Variants in CBL observed in about 807,000 individuals in gnomAD.
CBL encodes Cbl proto-oncogene.
A neutral mutation model predicts 96.9 loss-of-function variants in CBL; 45 were observed. The observed-to-expected ratio is 0.46, with a 90% CI of 0.37 to 0.60. The LOEUF is 0.60. Among genes scored for constraint, CBL ranks in the 20% least tolerant of loss-of-function variants. The probability of loss-of-function intolerance (pLI) is 0.00; values close to 1 mark genes in which losing one functional copy is unlikely to be tolerated. For synonymous variants in CBL, 420 were observed against 426.8 expected, an observed-to-expected ratio of 0.98 and a Z score of 0.20; for missense variants, 1,024 against 1,143.5, an observed-to-expected ratio of 0.90 and a Z score of 1.51.
At chr11:119,213,185 C>T (rs1949332167) in intron 1 of CBL, among the ~76,000 whole-genome samples, 1 of 152,108 alleles carries the variant, frequency 6.6e-6, no homozygotes, top group Non-Finnish European at 1.5e-5. Flanking sequence ...TCCACCTTGC[C>T]TTCCCTGTGC....
At chr11:119,258,932 TTG>T (rs1189890905) in intron 2 of CBL, among the ~76,000 whole-genome samples, 1 of 152,196 alleles carries the variant, frequency 6.6e-6, no homozygotes, top group Admixed American at 6.5e-5. Context: ...TTCCATTTGT[TTG>T]TGTATTCTGT....
At chr11:119,232,237 A>G (rs1949508442) in intron 1 of CBL, among the ~76,000 whole-genome samples, 1 of 152,170 alleles carries the variant, frequency 6.6e-6, no homozygotes, top group African/African-American at 2.4e-5. Flanking sequence ...TAGTCTCTCA[A>G]ACGGATTTAA....
In CBL at chr11:119,301,072, T is replaced by C; in HGVS notation, c.*1291T>C. On this transcript the variant is annotated 3_prime_UTR_variant, in exon 16 of 16. Coordinates refer to ENST00000264033, the MANE Select transcript of CBL (RefSeq NM_005188.4). ...AGCCTCTTGCTGATGGCACCTTCCCTGCATTGCTGCCTCCCGATGATGTGG... is the reference window on the plus strand; with the variant it reads ...AGCCTCTTGCTGATGGCACCTTCCCCGCATTGCTGCCTCCCGATGATGTGG... 4.3e-6 allele frequency: 1 copy of C among 233,440 alleles called. No individual in the cohort carries two copies. The highest frequency in any genetic ancestry group is 1.8e-4 in the South Asian group (1 of 5,534). 14.5% of individuals were successfully genotyped at this position (233,440 alleles called of 1,614,324 possible).
At chr11:119,223,718 C>G (rs1307505638) in intron 1 of CBL, among the ~76,000 whole-genome samples, 3 of 152,056 alleles carry the variant, frequency 2.0e-5, no homozygotes, top group Non-Finnish European at 4.4e-5. Flanking sequence ...CCTCTGCCTC[C>G]CAGGTTCAAG....
At chr11:119,297,538 T>G in intron 14 of CBL, 57 bp downstream of exon 14, 1 of 1,300,326 alleles carries the variant, frequency 7.7e-7, no homozygotes, top group Non-Finnish European at 1.1e-6. Flanking sequence ...AATGAACATG[T>G]AATATTTGGC....
At chr11:119,248,508 A>T (rs1453415822) in intron 2 of CBL, among the ~76,000 whole-genome samples, 1 of 152,238 alleles carries the variant, frequency 6.6e-6, no homozygotes, top group Non-Finnish European at 1.5e-5. Context: ...AACTCTCAAA[A>T]TGTATCAAAG....
chr11:119,255,494 A>G (rs535237555), intron 2 of CBL, among the ~76,000 whole-genome samples: 44 of 152,156 alleles, frequency 2.9e-4, no homozygotes, highest in Non-Finnish European at 2.1e-4. Context: ...GCAAAGTTAA[A>G]CCATCCTTGC....
At chr11:119,228,741 C>T (rs767322729) in intron 1 of CBL, among the ~76,000 whole-genome samples, 5 of 152,000 alleles carry the variant, frequency 3.3e-5, no homozygotes, top group Admixed American at 6.6e-5. Context: ...CCTTCTGCTT[C>T]AACCTCTGGA....
In CBL at chr11:119,219,849, A is replaced by AT. The variant is rs550380245; in HGVS notation, c.196-12581dup. ...TAGGTGGGCACCACCACGCCCGACT[A>AT]TTTTTTTTTTTTTTTTTTGAGACGG... On this transcript the variant is annotated intron_variant, in intron 1 of 15. Transcript: ENST00000264033. 1.3e-3 allele frequency among the ~76,000 whole-genome samples: 154 copies of AT among 117,862 alleles called. 2 individuals carry two copies. Among genetic ancestry groups the AT allele is most frequent in the Non-Finnish European group, 1.2e-3 (71 of 56,840 alleles). 77.3% of individuals were successfully genotyped at this position (117,862 alleles called of 152,430 possible).
chr11:119,259,182 G>A (rs1276486773), intron 2 of CBL, among the ~76,000 whole-genome samples: 1 of 152,092 alleles, frequency 6.6e-6, no homozygotes, highest in Non-Finnish European at 1.5e-5. Context: ...TTGTCTTTTG[G>A]AGGAGTCTTC....
intron 2 of CBL, among the ~76,000 whole-genome samples, chr11:119,259,673 A>G (rs1949738407): frequency 6.6e-6 from 1 of 152,176 alleles, no homozygotes; most frequent in Admixed American, 6.5e-5. Flanking sequence ...AAGATACTAA[A>G]TGTGTTTTCA....
In CBL at chr11:119,268,210, A is replaced by G. The variant is rs1348131374; in HGVS notation, c.444-3525A>G. Among the ~76,000 whole-genome samples the G allele has an allele frequency of 2.0e-5, 3 of 152,262 alleles. 1 individual carries two copies. The South Asian group carries it at 6.2e-4, about 31-fold the overall frequency. On this transcript the variant is annotated intron_variant, in intron 2 of 15. Coordinates refer to ENST00000264033, the MANE Select transcript of CBL (RefSeq NM_005188.4). Reference sequence around the variant, plus strand: ...CTTCTTCAAAAGGCAGTTAAATGTCATAAGAATTGGATCTGCATAGAAAGA... The same window carrying G: ...CTTCTTCAAAAGGCAGTTAAATGTCGTAAGAATTGGATCTGCATAGAAAGA...
At chr11:119,216,357 T>C (rs925177063) in intron 1 of CBL, among the ~76,000 whole-genome samples, 5 of 150,082 alleles carry the variant, frequency 3.3e-5, no homozygotes, top group Admixed American at 2.0e-4. Context: ...TATTTATTTA[T>C]TTATTTATTT....
chr11:119,289,808 T>A (rs1405345414), intron 12 of CBL: 2 of 152,192 alleles, frequency 1.3e-5, no homozygotes, highest in Non-Finnish European at 2.9e-5. Flanking sequence ...AAAGGCTCAA[T>A]CATAGCTCAC....
chr11:119,281,730 C>G (rs934230889), intron 9 of CBL, among the ~76,000 whole-genome samples: 41 of 152,108 alleles, frequency 2.7e-4, no homozygotes, highest in African/African-American at 9.6e-4. Context: ...ATCTCCTGAC[C>G]TTGTGATCCG....
intron 2 of CBL, among the ~76,000 whole-genome samples, chr11:119,271,230 T>TA (rs1949846635): frequency 6.6e-6 from 1 of 152,248 alleles, no homozygotes; most frequent in Non-Finnish European, 1.5e-5. Flanking sequence ...AGAGTGATTA[T>TA]AGCAGTGCAT....
chr11:119,288,339 T>C (rs1208902518), intron 12 of CBL, among the ~76,000 whole-genome samples: 1 of 152,216 alleles, frequency 6.6e-6, no homozygotes, highest in Non-Finnish European at 1.5e-5. Flanking sequence ...GTGGTTTAAA[T>C]AGCAGAAATT....
At chr11:119,243,496 C>A (rs1482826861) in intron 2 of CBL, among the ~76,000 whole-genome samples, 3 of 147,330 alleles carry the variant, frequency 2.0e-5, no homozygotes, top group African/African-American at 2.5e-5. Context: ...GGATATGAGA[C>A]CCCGTCTCAA....
intron 3 of CBL, among the ~76,000 whole-genome samples, chr11:119,272,831 A>C (rs1016372481): frequency 6.6e-6 from 1 of 152,122 alleles, no homozygotes; most frequent in Non-Finnish European, 1.5e-5. Flanking sequence ...GTTCTTTGTT[A>C]GATACTTACA....
Sources: gnomAD v4.1 joint callset for allele counts (sites outside exome capture counted in the v4.1 genomes callset) on GRCh38, gnomAD v4.1.1 for gene constraint, MANE v1.5 for transcripts, NCBI Gene and HGNC (gene_info 2026-07-23, HGNC 2026-07-21) for gene names.